LRRC49: variants seen among roughly 807,000 people sequenced by gnomAD.
The protein encoded by LRRC49 is leucine rich repeat containing 49, also known as leucine-rich repeat-containing protein 49.
LRRC49 carries 50 observed loss-of-function variants against 83.3 expected under a neutral mutation model. The observed-to-expected ratio is 0.60, with a 90% confidence interval of 0.48 to 0.76. LRRC49 has a LOEUF of 0.76. LRRC49 is among the 30% of genes least tolerant of loss of function. The pLI is 0.00. For synonymous variants in LRRC49, 286 were observed against 283.3 expected, an observed-to-expected ratio of 1.01 and a Z score of -0.10; for missense variants, 704 against 809.1, an observed-to-expected ratio of 0.87 and a Z score of 1.58.
chr15:70,920,153 A>G (rs994187760), intron 7 of LRRC49, among the ~76,000 whole-genome samples: 2 of 152,210 alleles, frequency 1.3e-5, no homozygotes, highest in Non-Finnish European at 2.9e-5. Flanking sequence ...GACACAATAT[A>G]ACTCTTAGCT....
intron 6 of LRRC49, among the ~76,000 whole-genome samples, chr15:70,912,426 A>G (rs1205271002): frequency 2.0e-5 from 3 of 152,092 alleles, no homozygotes; most frequent in African/African-American, 7.2e-5. Context: ...GATAATGCCA[A>G]ATTGCTTTCC....
chr15:70,918,036 C>T (rs905984900), intron 6 of LRRC49, among the ~76,000 whole-genome samples: 10 of 152,206 alleles, frequency 6.6e-5, no homozygotes, highest in East Asian at 1.9e-4. Flanking sequence ...TCCAAGCTTC[C>T]GAGTGCCACT....
intron 8 of LRRC49, among the ~76,000 whole-genome samples, chr15:70,961,219 A>G (rs183826328): frequency 6.6e-6 from 1 of 152,264 alleles, no homozygotes; most frequent in African/African-American, 2.4e-5. Context: ...ACAGTGAGAT[A>G]CCACTATGTA....
intron 8 of LRRC49, among the ~76,000 whole-genome samples, chr15:70,940,578 A>G (rs2035778224): frequency 6.6e-6 from 1 of 152,182 alleles, no homozygotes; most frequent in South Asian, 2.1e-4. Flanking sequence ...GTTGTTAGAT[A>G]GTATTCCTGT....
intron 11 of LRRC49, among the ~76,000 whole-genome samples, chr15:70,987,476 G>A (rs1229567053): frequency 1.3e-5 from 2 of 152,128 alleles, no homozygotes; most frequent in South Asian, 2.1e-4. Flanking sequence ...GGGATCGGTG[G>A]TGATATCCCC....
rs1490226787 is a variant in LRRC49 at position 71,047,388 on chromosome 15, T to C, written c.1858-2021T>C. Among the ~76,000 whole-genome samples, 3 of 152,220 alleles carry C rather than the reference T, an allele frequency of 2.0e-5. No individual in the cohort carries two copies. The East Asian group carries it at 5.8e-4, about 29-fold the overall frequency. ...CAGCAGTATTTTGTAGTTCTCCTTGTAGAGGTCTTTCACCTTCTTAGCTGT... is the reference window on the plus strand; with the variant it reads ...CAGCAGTATTTTGTAGTTCTCCTTGCAGAGGTCTTTCACCTTCTTAGCTGT... On this transcript the variant is annotated intron_variant, in intron 15 of 15. Transcript: ENST00000260382.
chr15:70,855,169 T>C (rs537414513), intron 1 of LRRC49, among the ~76,000 whole-genome samples: 1 of 151,326 alleles, frequency 6.6e-6, no homozygotes, highest in Admixed American at 6.6e-5. Flanking sequence ...CTGTCTTTAC[T>C]AAAAAAAATA....
chr15:70,991,909 T>A (rs2037895601), intron 11 of LRRC49, among the ~76,000 whole-genome samples: 1 of 152,222 alleles, frequency 6.6e-6, no homozygotes, highest in Admixed American at 6.5e-5. Context: ...TTGGAAATTG[T>A]CTGTAGTTAG....
chr15:71,047,229 C>T (rs1480019965), intron 15 of LRRC49, among the ~76,000 whole-genome samples: 1 of 152,090 alleles, frequency 6.6e-6, no homozygotes, highest in Non-Finnish European at 1.5e-5. Context: ...TGAAGAGTGA[C>T]ATTGGGAATT....
intron 8 of LRRC49, among the ~76,000 whole-genome samples, chr15:70,954,215 C>T (rs2036319546): frequency 1.3e-5 from 2 of 152,182 alleles, no homozygotes; most frequent in African/African-American, 4.8e-5. Flanking sequence ...ATTCTTTTCT[C>T]AACTTGGTCT....
intron 13 of LRRC49, among the ~76,000 whole-genome samples, chr15:71,011,012 C>T (rs1254309597): frequency 6.6e-6 from 1 of 152,062 alleles, no homozygotes; most frequent in Non-Finnish European, 1.5e-5. Flanking sequence ...GATCAATGTA[C>T]AAGCAGCTAT....
chr15:70,896,575 A>G (rs748093589), intron 3 of LRRC49, among the ~76,000 whole-genome samples: 1 of 152,098 alleles, frequency 6.6e-6, no homozygotes, highest in Non-Finnish European at 1.5e-5. Context: ...TCTGAAATAT[A>G]TTTTTCAAAT....
chr15:71,041,130 C>T (rs981201941), intron 15 of LRRC49, among the ~76,000 whole-genome samples: 2 of 152,150 alleles, frequency 1.3e-5, no homozygotes, highest in Non-Finnish European at 2.9e-5. Flanking sequence ...CCCAGCTAAG[C>T]CGTGCCTGGG....
At chr15:70,974,294 G>A (rs2037126562) in intron 9 of LRRC49, among the ~76,000 whole-genome samples, 1 of 152,154 alleles carries the variant, frequency 6.6e-6, no homozygotes, top group Non-Finnish European at 1.5e-5. Flanking sequence ...TATAGACAGT[G>A]TTTTGGTATT....
At chr15:70,881,578 G>A (rs1229224003) in intron 2 of LRRC49, 1 of 152,128 alleles carries the variant, frequency 6.6e-6, no homozygotes, top group Non-Finnish European at 1.5e-5. Flanking sequence ...TTACTTCATG[G>A]TACAAAATTG....
chr15:70,987,367 G>A (rs2037666328), intron 11 of LRRC49, among the ~76,000 whole-genome samples: 3 of 152,040 alleles, frequency 2.0e-5, no homozygotes, highest in Non-Finnish European at 2.9e-5. Context: ...ATCTTGGGAG[G>A]GTGTATGTGT....
chr15:70,858,811 C>A, intron 1 of LRRC49: 1 of 819,420 alleles, frequency 1.2e-6, no homozygotes. Flanking sequence ...GTGCCCGCAT[C>A]AGCACCTGAG....
chr15:70,918,048 T>A (rs2034855074), intron 6 of LRRC49, among the ~76,000 whole-genome samples: 1 of 152,228 alleles, frequency 6.6e-6, no homozygotes, highest in African/African-American at 2.4e-5. Context: ...AGTGCCACTG[T>A]GTTCTCAGTG....
At chr15:71,010,362 GA>G (rs2038610327) in intron 13 of LRRC49, among the ~76,000 whole-genome samples, 2 of 151,820 alleles carry the variant, frequency 1.3e-5, no homozygotes, top group South Asian at 4.1e-4. Context: ...TGCTATGCAA[GA>G]GGGGATAAGG....
Sources: allele counts gnomAD v4.1 joint callset (sites outside exome capture counted in the v4.1 genomes callset), GRCh38; gene constraint gnomAD v4.1.1; transcripts MANE v1.5; gene names NCBI Gene and HGNC (gene_info 2026-07-23, HGNC 2026-07-21).